The following GULP1 variants were observed in gnomAD, a reference collection of about 807,000 sequenced individuals.
GULP1 encodes GULP PTB domain containing engulfment adaptor 1.
A neutral mutation model predicts 40.9 loss-of-function variants in GULP1; 19 were observed. That is an observed-to-expected ratio of 0.46 (90% CI 0.32 to 0.68). The LOEUF is 0.68. Among genes scored for constraint, GULP1 ranks in the 30% least tolerant of loss-of-function variants. GULP1 has a pLI of 0.03. For synonymous variants in GULP1, 119 were observed against 117.6 expected, an observed-to-expected ratio of 1.01 and a Z score of -0.08; for missense variants, 312 against 362.2, an observed-to-expected ratio of 0.86 and a Z score of 1.12.
intron 1 of GULP1, among the ~76,000 whole-genome samples, chr2:188,337,817 CT>C (rs1009290328): frequency 6.6e-6 from 1 of 151,988 alleles, no homozygotes; most frequent in Non-Finnish European, 1.5e-5. Flanking sequence ...TTCTTTTTTA[CT>C]TAAATTAACT....
chr2:188,514,648 G>A (rs1384610316), intron 4 of GULP1, among the ~76,000 whole-genome samples: 1 of 151,462 alleles, frequency 6.6e-6, no homozygotes, highest in Non-Finnish European at 1.5e-5. Flanking sequence ...AATTTTTTTT[G>A]TTTTCTCACA....
Position 188,393,993 on chromosome 2 carries a change from G to A in GULP1, c.-45+10104G>A, listed in dbSNP as rs996753286. On this transcript the variant is annotated intron_variant, in intron 2 of 11. Transcript: ENST00000409830. ...ATTGGCTTTAGATAGCCTGATATGT[G>A]TATGCCTTGGTCATGTCCTTTTTGC... Among the ~76,000 whole-genome samples the A allele has an allele frequency of 2.6e-5, 4 of 152,220 alleles. No homozygotes were observed. The East Asian group carries it at 7.7e-4, about 29-fold the overall frequency.
At chr2:188,459,295 A>C (rs2059515292) in intron 2 of GULP1, among the ~76,000 whole-genome samples, 1 of 152,156 alleles carries the variant, frequency 6.6e-6, no homozygotes, top group African/African-American at 2.4e-5. Context: ...TGGTTGTATT[A>C]ATTTACACTT....
At chr2:188,588,768 C>T (rs1702926755) in intron 11 of GULP1, 1 of 152,030 alleles carries the variant, frequency 6.6e-6, no homozygotes, top group Non-Finnish European at 1.5e-5. Context: ...TGGGTTAATA[C>T]ATTAATTCTC....
chr2:188,491,686 A>G (rs1186878061), intron 4 of GULP1: 2 of 152,100 alleles, frequency 1.3e-5, no homozygotes, highest in Non-Finnish European at 2.9e-5. Flanking sequence ...CTCTAGAGAC[A>G]CTAAATCTCT....
At chr2:188,530,925 G>A (rs1687374759) in intron 6 of GULP1, among the ~76,000 whole-genome samples, 1 of 152,052 alleles carries the variant, frequency 6.6e-6, no homozygotes, top group Admixed American at 6.6e-5. Flanking sequence ...AACACCATAG[G>A]ATACATATTG....
intron 1 of GULP1, among the ~76,000 whole-genome samples, chr2:188,327,687 T>TA (rs2040950824): frequency 6.6e-6 from 1 of 152,098 alleles, no homozygotes; most frequent in South Asian, 2.1e-4. Context: ...TCTTTTAGTG[T>TA]AAAAAATGGT....
In GULP1 at chr2:188,461,205, G is replaced by A. The variant is rs981350133; in HGVS notation, c.-44-16454G>A. Among the ~76,000 whole-genome samples, 5 of 151,312 alleles carry A rather than the reference G, an allele frequency of 3.3e-5. No individual in the cohort carries two copies. In the East Asian group the frequency reaches 9.7e-4, roughly 29 times the overall value. On this transcript the variant is annotated intron_variant, in intron 2 of 11. Coordinates refer to ENST00000409830, the MANE Select transcript of GULP1 (RefSeq NM_016315.4). The stretch of plus-strand genomic sequence containing the variant: ...ATTTGGAAGTATTCCCTCCACCTCT[G>A]TTTTTCGAATAGTTTAAATAGTTTG...
At chr2:188,379,866 TC>T (rs2048789715) in intron 1 of GULP1, among the ~76,000 whole-genome samples, 1 of 152,220 alleles carries the variant, frequency 6.6e-6, no homozygotes, top group Non-Finnish European at 1.5e-5. Flanking sequence ...TCCTTTGCCA[TC>T]CGTGGCTTTC....
At chr2:188,373,894 A>G (rs2047948997) in intron 1 of GULP1, among the ~76,000 whole-genome samples, 1 of 152,016 alleles carries the variant, frequency 6.6e-6, no homozygotes, top group Admixed American at 6.6e-5. Context: ...AACATATCAC[A>G]TTTATGAAAT....
intron 2 of GULP1, among the ~76,000 whole-genome samples, chr2:188,390,289 C>A (rs1037111256): frequency 3.3e-5 from 5 of 152,010 alleles, no homozygotes; most frequent in Admixed American, 3.3e-4. Flanking sequence ...CTATTATTGT[C>A]TTTTGACTTT....
intron 2 of GULP1, among the ~76,000 whole-genome samples, chr2:188,455,805 GAA>G (rs1378159139): frequency 6.6e-6 from 1 of 152,188 alleles, no homozygotes; most frequent in Non-Finnish European, 1.5e-5. Flanking sequence ...GAAAATGTGG[GAA>G]AGTTTGGAAC....
intron 1 of GULP1, among the ~76,000 whole-genome samples, chr2:188,382,714 C>G (rs908772023): frequency 6.6e-6 from 1 of 152,106 alleles, no homozygotes; most frequent in Non-Finnish European, 1.5e-5. Flanking sequence ...GGCGAAACCC[C>G]CTCTCTACTA....
chr2:188,499,077 G>A (rs1391510120), intron 4 of GULP1, among the ~76,000 whole-genome samples: 1 of 147,202 alleles, frequency 6.8e-6, no homozygotes, highest in African/African-American at 2.5e-5. Flanking sequence ...ATAAATGTAT[G>A]TGCTGTGTGT....
Position 188,499,133 on chromosome 2 carries a change from G to GTATATATA in GULP1, c.90+15642_90+15643insATATATAT, listed in dbSNP as rs778858143. ...CATATACAAATGCACATATATGTGTGTGTATATATATATATATATATATAT... is the reference window on the plus strand; with the variant it reads ...CATATACAAATGCACATATATGTGTGTATATATATGTATATATATATATATATATATAT... On this transcript the variant is annotated intron_variant, in intron 4 of 11. Coordinates refer to ENST00000409830, the MANE Select transcript of GULP1 (RefSeq NM_016315.4). 7.7e-3 allele frequency among the ~76,000 whole-genome samples: 926 copies of GTATATATA among 120,514 alleles called. 9 individuals carry two copies. Among genetic ancestry groups the GTATATATA allele is most frequent in the African/African-American group, 0.011 (335 of 31,548 alleles). 79.1% of individuals were successfully genotyped at this position (120,514 alleles called of 152,430 possible). A position where few individuals can be genotyped will look rare whatever the true frequency, so the allele number is the denominator to read the frequency against.
At chr2:188,554,099 TTTTG>T (rs141093853) in intron 7 of GULP1, among the ~76,000 whole-genome samples, 3,352 of 152,064 alleles carry the variant, frequency 0.022, 109 homozygotes, top group African/African-American at 0.076. Flanking sequence ...AGAACCAATT[TTTTG>T]TTTGTTTGAT....
chr2:188,324,432 T>G (rs956517793), intron 1 of GULP1, among the ~76,000 whole-genome samples: 2 of 152,100 alleles, frequency 1.3e-5, no homozygotes, highest in Admixed American at 6.6e-5. Flanking sequence ...AGAATAATAT[T>G]CAGAAGAGCC....
intron 2 of GULP1, among the ~76,000 whole-genome samples, chr2:188,398,899 C>T (rs1323104456): frequency 2.0e-5 from 3 of 152,124 alleles, no homozygotes; most frequent in Admixed American, 6.5e-5. Context: ...GCATTAATAT[C>T]TACAATGCAT....
At chr2:188,318,064 A>T (rs2039392151) in intron 1 of GULP1, among the ~76,000 whole-genome samples, 1 of 152,084 alleles carries the variant, frequency 6.6e-6, no homozygotes, top group Non-Finnish European at 1.5e-5. Context: ...TCTTAGTTGG[A>T]TGAAATAACT....
Sources: allele counts gnomAD v4.1 joint callset (sites outside exome capture counted in the v4.1 genomes callset), GRCh38; gene constraint gnomAD v4.1.1; transcripts MANE v1.5; gene names NCBI Gene and HGNC (gene_info 2026-07-23, HGNC 2026-07-21).